ADIPOR2: variants seen among roughly 807,000 people sequenced by gnomAD.
ADIPOR2 encodes the protein adiponectin receptor 2.
Under a neutral mutation model 40.9 loss-of-function variants are expected in ADIPOR2, and 18 were observed. The observed-to-expected ratio is 0.44, with a 90% confidence interval of 0.30 to 0.65. The LOEUF (loss-of-function observed/expected upper bound fraction) is 0.65. Ranked by LOEUF, ADIPOR2 falls within the 30% of genes least tolerant of loss-of-function variation. ADIPOR2 has a pLI of 0.09. For missense variants in ADIPOR2, 283 were observed against 479.2 expected (o/e 0.59, Z 3.82); for synonymous variants, 165 against 166.4 (o/e 0.99, Z 0.06).
chr12:1,728,092 C>G (rs2094711614), intron 1 of ADIPOR2, among the ~76,000 whole-genome samples: 1 of 151,682 alleles, frequency 6.6e-6, no homozygotes, highest in South Asian at 2.1e-4. Context: ...TCCTTCCTAT[C>G]AGCTGTTTTC....
chr12:1,739,962 C>T lies in ADIPOR2; in HGVS notation c.-86-14296C>T, dbSNP rs943352852. ...CTAAAAATACAAAAAATTAACCGGG[C>T]GTGGTGGCACATGCCTGTAATCCTA... is the stretch of plus-strand genomic sequence containing the variant. On this transcript the variant is annotated intron_variant, in intron 1 of 7. Transcript: ENST00000357103. 1.4e-5 allele frequency among the ~76,000 whole-genome samples: 2 copies of T among 147,044 alleles called. 1 individual carries two copies. The highest frequency in any genetic ancestry group is 4.3e-4 in the South Asian group (2 of 4,610).
At chr12:1,730,426 A>AC (rs1181467991) in intron 1 of ADIPOR2, among the ~76,000 whole-genome samples, 1 of 150,970 alleles carries the variant, frequency 6.6e-6, no homozygotes, top group Non-Finnish European at 1.5e-5. Context: ...GACCATCCTG[A>AC]CTAACACGGT....
At chr12:1,784,170 C>A in intron 7 of ADIPOR2, 97 bp downstream of exon 7, 1 of 1,333,540 alleles carries the variant, frequency 7.5e-7, no homozygotes, top group Non-Finnish European at 1.0e-6. Flanking sequence ...GACACAAAGT[C>A]AGGAGAGTTG....
rs67598229 is a variant in ADIPOR2, at chr12:1,752,230, C to CTTTTTTTTT, written c.-86-2015_-86-2007dup. ...AGGCGTGAGCCACTGCTCCTGGCCT[C>CTTTTTTTTT]TTTTTTTTTTTTTTTTTTTTTAAGA... On this transcript the variant is annotated intron_variant, in intron 1 of 7. Transcript: ENST00000357103. 4.1e-3 allele frequency among the ~76,000 whole-genome samples: 304 copies of CTTTTTTTTT among 74,802 alleles called. 53 individuals carry two copies. The highest frequency in any genetic ancestry group is 0.02 in the Middle Eastern group (1 of 50). 49.1% of individuals were successfully genotyped at this position (74,802 alleles called of 152,430 possible).
rs1862872915 is a variant in ADIPOR2 at position 1,787,943 on chromosome 12, G to C, written c.*1871G>C. On this transcript the variant is annotated 3_prime_UTR_variant, in exon 8 of 8. Coordinates refer to ENST00000357103, the MANE Select transcript of ADIPOR2 (RefSeq NM_024551.3). ...AAGACTCAGTGGATGAACTGGTGCA[G>C]TGCCTGACAGAATAAAGAACAGTAT... The C allele has an allele frequency of 6.5e-6, 1 of 152,700 alleles. No homozygotes were observed. The highest frequency in any genetic ancestry group is 2.4e-5 in the African/African-American group (1 of 41,458). 9.5% of individuals were successfully genotyped at this position (152,700 alleles called of 1,614,324 possible). A position where few individuals can be genotyped will look rare whatever the true frequency, so the allele number is the denominator to read the frequency against.
intron 1 of ADIPOR2, among the ~76,000 whole-genome samples, chr12:1,712,168 TTC>T (rs2094678653): frequency 1.3e-5 from 2 of 152,234 alleles, no homozygotes; most frequent in Admixed American, 1.3e-4. Flanking sequence ...CTAAGGGGAC[TTC>T]TAAGAGATCC....
At position 1,772,297 on chromosome 12, in the gene ADIPOR2, G is replaced by T. The variant is rs190431790; in HGVS notation, c.172-545G>T. On this transcript the variant is annotated intron_variant, in intron 2 of 7. Coordinates refer to ENST00000357103, the MANE Select transcript of ADIPOR2 (RefSeq NM_024551.3). The stretch of plus-strand genomic sequence containing the variant: ...ACTTCTTTGCCTAATGCTCTTATAT[G>T]TTAAATGGGAATGAGAATACTTACT... 1.9e-3 allele frequency among the ~76,000 whole-genome samples: 287 copies of T among 152,266 alleles called. 1 individual carries two copies. The highest frequency in any genetic ancestry group is 6.6e-3 in the African/African-American group (273 of 41,558).
At chr12:1,777,782 A>G (rs1862628540) in intron 3 of ADIPOR2, 72 bp from the exon 4 acceptor site, 1 of 1,400,168 alleles carries the variant, frequency 7.1e-7, no homozygotes, top group African/African-American at 1.4e-5. Flanking sequence ...GATAAGACAC[A>G]GTTGTTAGGG....
At chr12:1,780,782 C>G in intron 5 of ADIPOR2, 107 bp from the exon 6 acceptor site, 1 of 1,366,472 alleles carries the variant, frequency 7.3e-7, no homozygotes, top group Non-Finnish European at 9.8e-7. Flanking sequence ...CCCAGTTTGG[C>G]TCTTAGGTGT....
chr12:1,766,964 T>C (rs1862392737), intron 2 of ADIPOR2, among the ~76,000 whole-genome samples: 1 of 152,160 alleles, frequency 6.6e-6, no homozygotes, highest in South Asian at 2.1e-4. Context: ...AGAAGCCTGC[T>C]TAAGAAATTC....
intron 1 of ADIPOR2, among the ~76,000 whole-genome samples, chr12:1,723,499 T>C (rs1001826509): frequency 7.1e-6 from 1 of 140,450 alleles, no homozygotes; most frequent in Non-Finnish European, 1.5e-5. Context: ...TAGCCAGGCG[T>C]GGTGGTGGGT....
intron 3 of ADIPOR2, among the ~76,000 whole-genome samples, chr12:1,773,856 A>G (rs1862535549): frequency 6.6e-6 from 1 of 152,220 alleles, no homozygotes; most frequent in South Asian, 2.1e-4. Context: ...AATGCTGGAA[A>G]TAATTGGGAT....
chr12:1,744,078 G>A (rs1476770967), intron 1 of ADIPOR2, among the ~76,000 whole-genome samples: 2 of 151,844 alleles, frequency 1.3e-5, no homozygotes, highest in Admixed American at 6.6e-5. Flanking sequence ...GTTTTATATG[G>A]GATAAAATGC....
chr12:1,739,397 G>T (rs2094737908), intron 1 of ADIPOR2, among the ~76,000 whole-genome samples: 1 of 152,220 alleles, frequency 6.6e-6, no homozygotes, highest in Admixed American at 6.5e-5. Flanking sequence ...TAAAATTATT[G>T]CCTTAGGGCA....
At position 1,755,909 on chromosome 12, in the gene ADIPOR2, A is replaced by G. The variant is rs181480592; in HGVS notation, c.171+1395A>G. 2.2e-4 allele frequency among the ~76,000 whole-genome samples: 33 copies of G among 152,254 alleles called. No homozygotes were observed. In the East Asian group the frequency reaches 4.2e-3, roughly 20 times the overall value. On this transcript the variant is annotated intron_variant, in intron 2 of 7. Transcript: ENST00000357103. ...GTTTTAGTTTTATATAGTTATGTAT[A>G]TAAATATGAATAATAATATGAAATA... is the stretch of plus-strand genomic sequence containing the variant.
intron 1 of ADIPOR2, among the ~76,000 whole-genome samples, chr12:1,728,352 C>T (rs908615650): frequency 4.0e-5 from 6 of 151,802 alleles, no homozygotes; most frequent in East Asian, 3.9e-4. Context: ...ACCTCAAATC[C>T]GCCCACCTCA....
intron 1 of ADIPOR2, among the ~76,000 whole-genome samples, chr12:1,743,737 C>A (rs2094748788): frequency 6.6e-6 from 1 of 152,100 alleles, no homozygotes; most frequent in South Asian, 2.1e-4. Flanking sequence ...TTATCTTGAA[C>A]TGTTGAAAAA....
At chr12:1,782,501 G>A (rs894727446) in intron 6 of ADIPOR2, among the ~76,000 whole-genome samples, 6 of 152,196 alleles carry the variant, frequency 3.9e-5, no homozygotes, top group Non-Finnish European at 7.3e-5. Context: ...ATTTAGATCA[G>A]TGGACTTCAC....
intron 1 of ADIPOR2, among the ~76,000 whole-genome samples, chr12:1,733,541 G>A (rs1273307928): frequency 1.3e-5 from 2 of 151,900 alleles, no homozygotes; most frequent in African/African-American, 2.4e-5. Flanking sequence ...TTTTTAAAAG[G>A]TATCTTTTGA....
Sources: allele counts gnomAD v4.1 joint callset (sites outside exome capture counted in the v4.1 genomes callset), GRCh38; gene constraint gnomAD v4.1.1; transcripts MANE v1.5; gene names NCBI Gene and HGNC (gene_info 2026-07-23, HGNC 2026-07-21).